The following HPCAL1 variants were observed in gnomAD, a reference collection of about 807,000 sequenced individuals.
HPCAL1 encodes the protein hippocalcin-like protein 1.
HPCAL1 carries 8 observed loss-of-function variants against 17.1 expected under a neutral mutation model. That is an observed-to-expected ratio of 0.47 (90% CI 0.27 to 0.84). The LOEUF is 0.84. Among genes scored for constraint, HPCAL1 ranks in the 40% least tolerant of loss-of-function variants. HPCAL1 has a pLI of 0.13. For synonymous variants in HPCAL1, 112 were observed against 111.4 expected (o/e 1.01, Z -0.03); for missense variants, 165 against 271.1 (o/e 0.61, Z 2.75).
In HPCAL1 at chr2:10,420,102, C is replaced by T. The variant is rs949926050; in HGVS notation, c.345C>T (p.Tyr115=). 6.2e-7 allele frequency: 1 copy of T among 1,612,876 alleles called. No individual in the cohort carries two copies. The highest frequency in any genetic ancestry group is 8.5e-7 in the Non-Finnish European group (1 of 1,179,612). ...TGTACGACCTGGACGGCAACGGCTA[C>T]ATCAGCCGCAGCGAGATGCTGGAGA... ...FSMYDLDGNG[Y]ISRSEMLEIV... Residue 115 remains tyrosine, a synonymous_variant, in exon 3 of 5, where the codon TAC becomes TAT. Coordinates refer to ENST00000307845, the MANE Select transcript of HPCAL1 (RefSeq NM_002149.4).
At chr2:10,397,693 G>A (rs372729721) in intron 2 of HPCAL1, among the ~76,000 whole-genome samples, 3 of 152,194 alleles carry the variant, frequency 2.0e-5, no homozygotes, top group Admixed American at 1.3e-4. Context: ...CCGTGAGCTC[G>A]GGAGGGCTCC....
rs1307251233 is a variant in HPCAL1, at chr2:10,319,236, A to C, written c.-111+16059A>C. Reference sequence around the variant, plus strand: ...AGCCTTCTGCACTTTTCCATCCCCCAGTCTGGAGTCAACCTGTATTTTTCA... The same window carrying C: ...AGCCTTCTGCACTTTTCCATCCCCCCGTCTGGAGTCAACCTGTATTTTTCA... On this transcript the variant is annotated intron_variant, in intron 1 of 4. Coordinates refer to ENST00000307845, the MANE Select transcript of HPCAL1 (RefSeq NM_002149.4). Among the ~76,000 whole-genome samples, 5 of 152,232 alleles carry C rather than the reference A, an allele frequency of 3.3e-5. No homozygotes were observed. The East Asian group carries it at 9.7e-4, about 29-fold the overall frequency.
rs1257683970 is a variant in HPCAL1, at chr2:10,359,020, C to A, written c.-110-37815C>A. 6.8e-6 allele frequency among the ~76,000 whole-genome samples: 1 copy of A among 146,878 alleles called. No homozygotes were observed. The highest frequency in any genetic ancestry group is 1.5e-5 in the Non-Finnish European group (1 of 67,810). ...TGGAGCCCCACAGCCTGCCCGTCTGCATGCTCCCCTTGAGGTTTGACCCGT... is the reference window on the plus strand; with the variant it reads ...TGGAGCCCCACAGCCTGCCCGTCTGAATGCTCCCCTTGAGGTTTGACCCGT... On this transcript the variant is annotated intron_variant, in intron 1 of 4. Transcript: ENST00000307845. This position sits in a 1 kb window ranked among gnomAD's most constrained non-coding sequence, Gnocchi z 4.1.
chr2:10,342,951 AG>A lies in HPCAL1; in HGVS notation c.-111+39775del, dbSNP rs1665189977. 1.3e-5 allele frequency among the ~76,000 whole-genome samples: 2 copies of A among 151,984 alleles called. No individual in the cohort carries two copies. The highest frequency in any genetic ancestry group is 2.9e-5 in the Non-Finnish European group (2 of 68,000). The stretch of plus-strand genomic sequence containing the variant: ...GTTGCTCCCTGGGGCCTGGCTTTGG[AG>A]ATGGCCAGTGCTGGTTTGAAGCTTC... On this transcript the variant is annotated intron_variant, in intron 1 of 4. Transcript: ENST00000307845. The surrounding 1 kb of genome is among the most constrained non-coding windows in gnomAD (Gnocchi z 4.1).
At chr2:10,399,532 C>CCACCAT (rs1669429340) in intron 2 of HPCAL1, among the ~76,000 whole-genome samples, 2 of 111,980 alleles carry the variant, frequency 1.8e-5, no homozygotes, top group Non-Finnish European at 3.7e-5. Flanking sequence ...ACCGCCACTG[C>CCACCAT]CACCGCCACC....
At chr2:10,426,588 G>C (rs542469032) in intron 4 of HPCAL1, 136 bp from the exon 5 acceptor site, 5 of 725,610 alleles carry the variant, frequency 6.9e-6, no homozygotes, top group South Asian at 6.6e-5. Flanking sequence ...ATGGAGACTA[G>C]ACACCGTCCA....
chr2:10,329,181 T>C (rs930620634), intron 1 of HPCAL1, among the ~76,000 whole-genome samples: 8 of 152,240 alleles, frequency 5.3e-5, no homozygotes, highest in East Asian at 1.9e-4. Context: ...CCAAGCTTCA[T>C]TGAATCTTTC....
rs1364437008 is a variant in HPCAL1, at chr2:10,354,715, CT to C, written c.-110-42117del. On this transcript the variant is annotated intron_variant, in intron 1 of 4. Transcript: ENST00000307845. The surrounding 1 kb of genome is among the most constrained non-coding windows in gnomAD (Gnocchi z 5.1). ...CTGTTTACGTATTTTACTTTGACTT[CT>C]TTCTGGGTTCTTGCATAGGCTTCAA... Among the ~76,000 whole-genome samples the C allele has an allele frequency of 6.6e-6, 1 of 152,214 alleles. No individual in the cohort carries two copies. Among genetic ancestry groups the C allele is most frequent in the African/African-American group, 2.4e-5 (1 of 41,446 alleles).
intron 1 of HPCAL1, among the ~76,000 whole-genome samples, chr2:10,305,723 A>T (rs1416769740): frequency 6.6e-6 from 1 of 152,200 alleles, no homozygotes; most frequent in Non-Finnish European, 1.5e-5. Context: ...CCTCCTAGAG[A>T]TAGATTCTAA....
rs1463601762 is a variant in HPCAL1 at position 10,342,911 on chromosome 2, C to A, written c.-111+39734C>A. The stretch of plus-strand genomic sequence containing the variant: ...TCTCCCCGCTGCCTTCCCCCGGCCC[C>A]TTTTTGGACAGGATGTTGCTCCCTG... On this transcript the variant is annotated intron_variant, in intron 1 of 4. Coordinates refer to ENST00000307845, the MANE Select transcript of HPCAL1 (RefSeq NM_002149.4). This position sits in a 1 kb window ranked among gnomAD's most constrained non-coding sequence, Gnocchi z 4.1. Among the ~76,000 whole-genome samples the A allele has an allele frequency of 6.6e-6, 1 of 152,216 alleles. No homozygotes were observed. Among genetic ancestry groups the A allele is most frequent in the African/African-American group, 2.4e-5 (1 of 41,446 alleles).
At chr2:10,318,515 G>T (rs993497882) in intron 1 of HPCAL1, among the ~76,000 whole-genome samples, 1 of 152,202 alleles carries the variant, frequency 6.6e-6, no homozygotes, top group African/African-American at 2.4e-5. Context: ...TGATAAGGCC[G>T]CACGTGGGTG....
chr2:10,313,922 G>A (rs1366976695), intron 1 of HPCAL1, among the ~76,000 whole-genome samples: 1 of 152,048 alleles, frequency 6.6e-6, no homozygotes, highest in East Asian at 1.9e-4. Context: ...TACGAAGTCA[G>A]GAGTTCAAGA....
chr2:10,367,771 G>A lies in HPCAL1; in HGVS notation c.-110-29064G>A, dbSNP rs766552596. Reference sequence around the variant, plus strand: ...CTGGAGTGGAGGGTGACAGAGCTTCGGACATGAGCAGCCTCTGCTGCTGCG... The same window carrying A: ...CTGGAGTGGAGGGTGACAGAGCTTCAGACATGAGCAGCCTCTGCTGCTGCG... On this transcript the variant is annotated intron_variant, in intron 1 of 4. Transcript: ENST00000307845. The surrounding 1 kb of genome is among the most constrained non-coding windows in gnomAD (Gnocchi z 4.4). 2.6e-5 allele frequency among the ~76,000 whole-genome samples: 4 copies of A among 152,090 alleles called. No individual in the cohort carries two copies. Among genetic ancestry groups the A allele is most frequent in the South Asian group, 2.1e-4 (1 of 4,832 alleles).
intron 1 of HPCAL1, among the ~76,000 whole-genome samples, chr2:10,305,469 C>A (rs903527403): frequency 1.3e-5 from 2 of 152,168 alleles, no homozygotes; most frequent in African/African-American, 2.4e-5. Context: ...CTCTCCCTTG[C>A]GGTGGGATGT....
chr2:10,353,751 G>T (rs571273559), intron 1 of HPCAL1, among the ~76,000 whole-genome samples: 3 of 152,226 alleles, frequency 2.0e-5, no homozygotes, highest in Middle Eastern at 3.4e-3. Context: ...TTGAGTTTTA[G>T]TAGACGAGGT....
chr2:10,320,942 T>C (rs1663633467), intron 1 of HPCAL1, among the ~76,000 whole-genome samples: 1 of 152,186 alleles, frequency 6.6e-6, no homozygotes, highest in Admixed American at 6.5e-5. Context: ...TGGAAAACAA[T>C]ACATTAGTGA....
intron 1 of HPCAL1, among the ~76,000 whole-genome samples, chr2:10,368,078 G>T (rs1666956765): frequency 6.8e-6 from 1 of 147,684 alleles, no homozygotes; most frequent in South Asian, 2.1e-4. Context: ...CCATACACAT[G>T]TGTAGGTGTG....
At chr2:10,326,914 G>A (rs1664054042) in intron 1 of HPCAL1, among the ~76,000 whole-genome samples, 1 of 152,102 alleles carries the variant, frequency 6.6e-6, no homozygotes, top group African/African-American at 2.4e-5. Context: ...CTGGGCCCCT[G>A]CTGTGCCCCA....
chr2:10,416,250 G>A (rs2148017138), intron 2 of HPCAL1, among the ~76,000 whole-genome samples: 1 of 152,288 alleles, frequency 6.6e-6, no homozygotes, highest in South Asian at 2.1e-4. Context: ...CTTTTAGGCG[G>A]GCCATGATTC....
Sources: allele counts gnomAD v4.1 joint callset (sites outside exome capture counted in the v4.1 genomes callset), GRCh38; gene constraint gnomAD v4.1.1; non-coding constraint Gnocchi (gnomAD v3.1); transcripts MANE v1.5; gene names NCBI Gene and HGNC (gene_info 2026-07-23, HGNC 2026-07-21).